Variants in CSMD2 observed in about 807,000 individuals in gnomAD.
CSMD2 encodes CUB and Sushi multiple domains 2.
In CSMD2, 130 loss-of-function variants were observed where a neutral mutation model predicts 398.5. The ratio of observed to expected loss-of-function variants is 0.33; its 90% CI spans 0.28 to 0.38. The LOEUF is 0.38. Among genes scored for constraint, CSMD2 ranks in the 10% least tolerant of loss-of-function variants. CSMD2 has a pLI of 1.00. For missense variants in CSMD2, 3,829 were observed against 4,764.9 expected (o/e 0.80, Z 5.78); for synonymous variants, 1,828 against 1,908.5 (o/e 0.96, Z 1.10).
chr1:33,802,326 T>C (rs749042783), intron 10 of CSMD2, among the ~76,000 whole-genome samples: 1 of 152,218 alleles, frequency 6.6e-6, no homozygotes, highest in African/African-American at 2.4e-5. Flanking sequence ...TCCTAGTTTA[T>C]TGAGTACAGA....
chr1:34,158,779 T>A (rs4652993), intron 1 of CSMD2, among the ~76,000 whole-genome samples: 11,998 of 152,278 alleles, frequency 0.079, 588 homozygotes, highest in East Asian at 0.27. Flanking sequence ...ACTTGAGGTT[T>A]AATCCCGCCT....
chr1:33,981,487 G>C (rs867214838), intron 3 of CSMD2, among the ~76,000 whole-genome samples: 4 of 152,210 alleles, frequency 2.6e-5, no homozygotes, highest in Middle Eastern at 3.2e-3. Context: ...TATCTGACTT[G>C]TGCTAGGGGC....
At chr1:33,566,128 A>G (rs150004263) in intron 53 of CSMD2, among the ~76,000 whole-genome samples, 67 of 152,130 alleles carry the variant, frequency 4.4e-4, no homozygotes, top group South Asian at 2.1e-4. Flanking sequence ...AAACAAAGCA[A>G]TATCAGTGTT....
chr1:33,787,869 T>C (rs1405045257), intron 12 of CSMD2, among the ~76,000 whole-genome samples: 1 of 152,164 alleles, frequency 6.6e-6, no homozygotes, highest in Non-Finnish European at 1.5e-5. Context: ...ATGAAGACTC[T>C]TGTCTGCATC....
intron 5 of CSMD2, among the ~76,000 whole-genome samples, chr1:33,907,974 C>G (rs1643206989): frequency 6.7e-6 from 1 of 150,004 alleles, no homozygotes; most frequent in Non-Finnish European, 1.5e-5. Flanking sequence ...GTAGTCCTAG[C>G]TATTCGGGAG....
At chr1:34,021,246 T>A (rs1648829811) in intron 3 of CSMD2, among the ~76,000 whole-genome samples, 1 of 152,138 alleles carries the variant, frequency 6.6e-6, no homozygotes, top group Non-Finnish European at 1.5e-5. Context: ...GGGAAATAAG[T>A]CACCCCAAGG....
chr1:34,088,252 G>A (rs1034095640), intron 2 of CSMD2, among the ~76,000 whole-genome samples: 3 of 152,318 alleles, frequency 2.0e-5, no homozygotes, highest in South Asian at 2.1e-4. Flanking sequence ...CTGTAGAGCC[G>A]GGAAGCCACG....
intron 3 of CSMD2, among the ~76,000 whole-genome samples, chr1:34,009,836 A>G (rs1469591643): frequency 6.6e-6 from 1 of 151,960 alleles, no homozygotes; most frequent in Admixed American, 6.6e-5. Context: ...ATGTGACTCA[A>G]CCCTAGTCTC....
At chr1:33,997,377 G>A (rs1034267914) in intron 3 of CSMD2, among the ~76,000 whole-genome samples, 11 of 152,142 alleles carry the variant, frequency 7.2e-5, no homozygotes, top group African/African-American at 2.2e-4. Context: ...CCTTAGTAAC[G>A]GCATTATTAT....
chr1:33,742,583 C>CCG (rs1647111301), intron 14 of CSMD2, among the ~76,000 whole-genome samples: 1 of 137,826 alleles, frequency 7.3e-6, no homozygotes, highest in Non-Finnish European at 1.6e-5. Flanking sequence ...TTCTGCCCCC[C>CCG]CCCCCCCAAC....
In CSMD2 at chr1:33,719,357, A is replaced by G. The variant is rs995303924; in HGVS notation, c.3002-2856T>C. ...GCGCTTTGCACTCTATTCTTCTAGC[A>G]TGCAAATAGAGCCCTTCCAAAGGGG... On this transcript the variant is annotated intron_variant, in intron 19 of 70. Transcript: ENST00000373381. Among the ~76,000 whole-genome samples, 5 of 152,238 alleles carry G rather than the reference A, an allele frequency of 3.3e-5. No individual in the cohort carries two copies. In the South Asian group the frequency reaches 6.2e-4, roughly 19 times the overall value.
At chr1:34,095,255 A>C (rs2148391388) in intron 1 of CSMD2, among the ~76,000 whole-genome samples, 1 of 121,020 alleles carries the variant, frequency 8.3e-6, no homozygotes, top group African/African-American at 3.3e-5. Context: ...GACGCATTCA[A>C]AGCAGTGTGT....
chr1:33,629,010 G>A (rs1324212135), intron 32 of CSMD2, among the ~76,000 whole-genome samples: 6 of 149,872 alleles, frequency 4.0e-5, no homozygotes, highest in Non-Finnish European at 4.4e-5. Flanking sequence ...ATGTCAAAAG[G>A]AAAGCATTCT....
intron 32 of CSMD2, among the ~76,000 whole-genome samples, chr1:33,632,922 A>G (rs2148906420): frequency 6.6e-6 from 1 of 152,352 alleles, no homozygotes; most frequent in African/African-American, 2.4e-5. Context: ...CTAGAAGAAA[A>G]AAAATGACAG....
chr1:33,811,190 T>A (rs1448098736), intron 9 of CSMD2, among the ~76,000 whole-genome samples: 5 of 152,142 alleles, frequency 3.3e-5, no homozygotes, highest in African/African-American at 1.2e-4. Context: ...GGCTAGAACC[T>A]GTCAGGTTGA....
At chr1:33,814,003 C>G (rs1376484507) in intron 9 of CSMD2, 1 of 152,556 alleles carries the variant, frequency 6.6e-6, no homozygotes, top group African/African-American at 2.4e-5. Context: ...TGCTCCCACC[C>G]TCAAGTATTT....
intron 64 of CSMD2, among the ~76,000 whole-genome samples, 173 bp downstream of exon 64, chr1:33,532,877 T>C (rs1007315588): frequency 1.3e-5 from 2 of 152,254 alleles, no homozygotes; most frequent in Non-Finnish European, 2.9e-5. Flanking sequence ...AGTATGCACC[T>C]TTTTAGACCG....
chr1:33,851,919 A>G (rs1014196692), intron 5 of CSMD2, among the ~76,000 whole-genome samples: 3 of 151,992 alleles, frequency 2.0e-5, no homozygotes, highest in South Asian at 2.1e-4. Flanking sequence ...CAGCCTCCCA[A>G]GGCTTTTTTT....
chr1:34,067,677 GC>G (rs1655263688), intron 2 of CSMD2, among the ~76,000 whole-genome samples: 1 of 152,168 alleles, frequency 6.6e-6, no homozygotes, highest in Non-Finnish European at 1.5e-5. Flanking sequence ...AGTTTGAGAA[GC>G]CCCTTTCCAG....
Sources: allele counts gnomAD v4.1 joint callset (sites outside exome capture counted in the v4.1 genomes callset), GRCh38; gene constraint gnomAD v4.1.1; transcripts MANE v1.5; gene names NCBI Gene and HGNC (gene_info 2026-07-23, HGNC 2026-07-21).